CDK14: variants seen among roughly 807,000 people sequenced by gnomAD.
The protein encoded by CDK14 is cyclin-dependent kinase 14.
Under a neutral mutation model 60.7 loss-of-function variants are expected in CDK14, and 34 were observed. That is an observed-to-expected ratio of 0.56 (90% CI 0.43 to 0.75). The LOEUF (loss-of-function observed/expected upper bound fraction) is 0.75, where lower values mean the gene tolerates loss of function less well. Among genes scored for constraint, CDK14 ranks in the 30% least tolerant of loss-of-function variants. CDK14 has a pLI of 0.00. For synonymous variants in CDK14, 197 were observed against 203.7 expected, an observed-to-expected ratio of 0.97 and a Z score of 0.28; for missense variants, 482 against 564.1, an observed-to-expected ratio of 0.85 and a Z score of 1.47.
chr7:90,681,011 G>A (rs189018899), intron 2 of CDK14, among the ~76,000 whole-genome samples: 1 of 152,246 alleles, frequency 6.6e-6, no homozygotes, highest in East Asian at 1.9e-4. Flanking sequence ...AGTACATTGT[G>A]GAGTTTATAT....
intron 5 of CDK14, among the ~76,000 whole-genome samples, chr7:90,797,007 G>C (rs746324197): frequency 2.0e-5 from 3 of 151,892 alleles, no homozygotes; most frequent in South Asian, 4.2e-4. Context: ...ACTGATTTGT[G>C]TATGTTGATT....
At chr7:90,972,929 T>C (rs770763178) in intron 9 of CDK14, among the ~76,000 whole-genome samples, 2 of 152,200 alleles carry the variant, frequency 1.3e-5, no homozygotes, top group African/African-American at 2.4e-5. Flanking sequence ...ACCCAGTAAT[T>C]AGAATCTGAA....
intron 7 of CDK14, among the ~76,000 whole-genome samples, chr7:90,909,942 A>G (rs901820279): frequency 6.6e-6 from 1 of 152,202 alleles, no homozygotes; most frequent in African/African-American, 2.4e-5. Context: ...GAACTCAAAC[A>G]GGGCAAAACA....
intron 14 of CDK14, among the ~76,000 whole-genome samples, chr7:91,168,654 C>T (rs1179630480): frequency 2.0e-5 from 3 of 152,230 alleles, no homozygotes; most frequent in African/African-American, 7.2e-5. Context: ...ACCAAATATC[C>T]ACTAACACAA....
chr7:90,759,042 C>T (rs964663811), intron 4 of CDK14, among the ~76,000 whole-genome samples: 2 of 135,960 alleles, frequency 1.5e-5, no homozygotes, highest in African/African-American at 2.9e-5. Flanking sequence ...GGTGACAGAG[C>T]GAGACTCTGT....
intron 10 of CDK14, 46 bp from the exon 11 acceptor site, chr7:91,045,850 CT>C (rs199697475): frequency 0.012 from 15,280 of 1,245,422 alleles, 151 homozygotes; most frequent in Non-Finnish European, 0.014. Context: ...ATTTTGAGTG[CT>C]TTGGAAATAA....
chr7:90,873,658 C>T (rs4728941), intron 6 of CDK14, among the ~76,000 whole-genome samples: 133,525 of 152,182 alleles, frequency 0.88, 58,765 homozygotes, highest in East Asian at 0.97. Flanking sequence ...CAATTAGTTC[C>T]AGGTTTCTTA....
intron 3 of CDK14, among the ~76,000 whole-genome samples, chr7:90,743,415 A>T (rs1218210861): frequency 6.6e-6 from 1 of 152,140 alleles, no homozygotes; most frequent in Non-Finnish European, 1.5e-5. Context: ...GCAGGTTTCA[A>T]TATTGAGCTC....
intron 14 of CDK14, among the ~76,000 whole-genome samples, chr7:91,193,102 A>G (rs1802422088): frequency 6.6e-6 from 1 of 152,184 alleles, no homozygotes; most frequent in African/African-American, 2.4e-5. Context: ...CCTTGTTCAA[A>G]AGGAATTTCC....
intron 2 of CDK14, among the ~76,000 whole-genome samples, chr7:90,680,905 C>T (rs949113775): frequency 7.9e-5 from 12 of 152,104 alleles, no homozygotes; most frequent in East Asian, 3.8e-4. Flanking sequence ...TTTGGCCATA[C>T]GTGGATGTAC....
At chr7:91,189,900 A>T (rs1355643720) in intron 14 of CDK14, among the ~76,000 whole-genome samples, 1 of 152,204 alleles carries the variant, frequency 6.6e-6, no homozygotes, top group African/African-American at 2.4e-5. Flanking sequence ...GTTAGTTTCA[A>T]CTTCACCCTT....
chr7:91,165,480 G>A (rs803174), intron 14 of CDK14, among the ~76,000 whole-genome samples: 144,644 of 152,224 alleles, frequency 0.95, 68,751 homozygotes, highest in East Asian at 1. Flanking sequence ...CCCTTTTGTG[G>A]AATGAGGAGA....
intron 11 of CDK14, among the ~76,000 whole-genome samples, chr7:91,046,261 T>C (rs1294689987): frequency 6.6e-6 from 1 of 152,192 alleles, no homozygotes; most frequent in East Asian, 1.9e-4. Context: ...AAAAACAAAA[T>C]TTAAATTGGG....
chr7:91,082,953 A>C (rs1478096194), intron 12 of CDK14, among the ~76,000 whole-genome samples: 1 of 152,114 alleles, frequency 6.6e-6, no homozygotes, highest in African/African-American at 2.4e-5. Context: ...TCGATCTAAA[A>C]TTTTCTAACA....
intron 14 of CDK14, among the ~76,000 whole-genome samples, chr7:91,126,310 G>A (rs117342776): frequency 0.012 from 1,883 of 152,226 alleles, 17 homozygotes; most frequent in South Asian, 0.025. Flanking sequence ...TCGGTGTCAA[G>A]AATTTAATCC....
chr7:91,025,607 T>C (rs1378009586), intron 10 of CDK14, among the ~76,000 whole-genome samples: 2 of 152,218 alleles, frequency 1.3e-5, no homozygotes, highest in African/African-American at 4.8e-5. Flanking sequence ...TGCTGCCTTC[T>C]TCTGACAAAG....
At chr7:90,984,559 T>A (rs1795323794) in intron 10 of CDK14, among the ~76,000 whole-genome samples, 1 of 152,166 alleles carries the variant, frequency 6.6e-6, no homozygotes, top group African/African-American at 2.4e-5. Flanking sequence ...CTCCCCATCA[T>A]GTAGGTGGAG....
chr7:90,842,547 G>C, intron 5 of CDK14, among the ~76,000 whole-genome samples: 1 of 152,112 alleles, frequency 6.6e-6, no homozygotes, highest in Non-Finnish European at 1.5e-5. Flanking sequence ...ACAAAAAGAC[G>C]TCTTTCTCTC....
intron 5 of CDK14, among the ~76,000 whole-genome samples, chr7:90,801,165 G>A (rs1788616670): frequency 6.6e-6 from 1 of 152,198 alleles, no homozygotes; most frequent in African/African-American, 2.4e-5. Flanking sequence ...TTCACAGGGA[G>A]ATTTGTAGGT....
Sources: allele counts gnomAD v4.1 joint callset (sites outside exome capture counted in the v4.1 genomes callset), GRCh38; gene constraint gnomAD v4.1.1; transcripts MANE v1.5; gene names NCBI Gene and HGNC (gene_info 2026-07-23, HGNC 2026-07-21).